The following GPR139 variants were observed in gnomAD, a reference collection of about 807,000 sequenced individuals.
GPR139 encodes probable G protein-coupled receptor 139.
Under a neutral mutation model 25.8 loss-of-function variants are expected in GPR139, and 12 were observed. The ratio of observed to expected loss-of-function variants is 0.47; its 90% CI spans 0.30 to 0.75. The LOEUF (loss-of-function observed/expected upper bound fraction) is 0.75. Ranked by LOEUF, GPR139 falls within the 30% of genes least tolerant of loss-of-function variation. The pLI is 0.07. For missense variants in GPR139, 380 were observed against 450.2 expected (o/e 0.84, Z 1.41); for synonymous variants, 184 against 179.9 (o/e 1.02, Z -0.18).
intron 1 of GPR139, among the ~76,000 whole-genome samples, chr16:20,069,916 G>A (rs368248553): frequency 3.2e-4 from 48 of 152,210 alleles, no homozygotes; most frequent in East Asian, 1.5e-3. Context: ...CTTATTTTGT[G>A]TGTCTCGAGA....
rs1386195649 is a variant in GPR139, at chr16:20,032,029, G to A, written c.768C>T (p.Pro256=). 2.5e-6 allele frequency: 4 copies of A among 1,614,208 alleles called. No homozygotes were observed. The South Asian group carries it at 4.4e-5, about 18-fold the overall frequency. Residue 256 remains proline, a synonymous_variant, in exon 2 of 2, where the codon CCC becomes CCT. Transcript: ENST00000570682. ...TGTGTACCAGCCAGCGGTTCTGGAT[G>A]GGCGCCCCATAGAGGTGGTAAAGAA... ...IMILYHLYGA[P]IQNRWLVHIM... is the part of the protein sequence containing the mutation.
chr16:20,067,498 A>C (rs558965347), intron 1 of GPR139, among the ~76,000 whole-genome samples: 1 of 152,332 alleles, frequency 6.6e-6, no homozygotes, highest in African/African-American at 2.4e-5. Context: ...GCACGCCATT[A>C]GAGACTATTC....
At chr16:20,037,344 C>T (rs34903805) in intron 1 of GPR139, among the ~76,000 whole-genome samples, 16,976 of 151,210 alleles carry the variant, frequency 0.11, 1,683 homozygotes, top group African/African-American at 0.26. Context: ...CGCAGCTACT[C>T]GGGAGGCTGA....
At chr16:20,041,057 C>G (rs1489151071) in intron 1 of GPR139, among the ~76,000 whole-genome samples, 1 of 148,104 alleles carries the variant, frequency 6.8e-6, no homozygotes, top group East Asian at 2.0e-4. Flanking sequence ...TTGCAGTGAG[C>G]TGAGCTGGTT....
intron 1 of GPR139, among the ~76,000 whole-genome samples, chr16:20,061,219 A>C (rs958464076): frequency 8.3e-6 from 1 of 120,218 alleles, no homozygotes; most frequent in Non-Finnish European, 1.9e-5. Context: ...GGATGGATGG[A>C]TGGATGTGTG....
At chr16:20,051,536 G>A (rs957518147) in intron 1 of GPR139, among the ~76,000 whole-genome samples, 6 of 152,186 alleles carry the variant, frequency 3.9e-5, no homozygotes, top group Admixed American at 1.3e-4. Flanking sequence ...AGAGGACAAC[G>A]TCTAATTACC....
At chr16:20,035,772 G>C (rs888927368) in intron 1 of GPR139, among the ~76,000 whole-genome samples, 3 of 152,180 alleles carry the variant, frequency 2.0e-5, no homozygotes, top group Admixed American at 2.0e-4. Flanking sequence ...AATGTTCTGA[G>C]GGGGAGAAGT....
In GPR139 at chr16:20,034,316, C is replaced by T. The variant is rs147299895; in HGVS notation, c.128-1647G>A. 2.1e-3 allele frequency among the ~76,000 whole-genome samples: 314 copies of T among 152,302 alleles called. 2 individuals are homozygous for T. Among genetic ancestry groups the T allele is most frequent in the African/African-American group, 7.3e-3 (302 of 41,570 alleles). On this transcript the variant is annotated intron_variant, in intron 1 of 1. Coordinates refer to ENST00000570682, the MANE Select transcript of GPR139 (RefSeq NM_001002911.4). ...AAAATTCTTATAATAAACACACCTGCAAAACCTGGTGTGCTCATCACTCAG... is the reference window on the plus strand; with the variant it reads ...AAAATTCTTATAATAAACACACCTGTAAAACCTGGTGTGCTCATCACTCAG...
At chr16:20,039,458 G>A (rs940088635) in intron 1 of GPR139, among the ~76,000 whole-genome samples, 1 of 152,110 alleles carries the variant, frequency 6.6e-6, no homozygotes, top group Non-Finnish European at 1.5e-5. Context: ...AATTACAAAA[G>A]TAATACACAC....
At chr16:20,045,124 C>T (rs1351267730) in intron 1 of GPR139, among the ~76,000 whole-genome samples, 4 of 151,816 alleles carry the variant, frequency 2.6e-5, no homozygotes, top group Middle Eastern at 3.4e-3. Flanking sequence ...CTCAGCCTCC[C>T]GAGATGCTGG....
intron 1 of GPR139, among the ~76,000 whole-genome samples, chr16:20,037,792 A>G (rs1728655248): frequency 6.6e-6 from 1 of 152,242 alleles, no homozygotes; most frequent in South Asian, 2.1e-4. Flanking sequence ...GGTTCTCAGC[A>G]TAAAGAATGC....
At chr16:20,045,478 G>A (rs1354267247) in intron 1 of GPR139, among the ~76,000 whole-genome samples, 1 of 152,194 alleles carries the variant, frequency 6.6e-6, no homozygotes, top group African/African-American at 2.4e-5. Flanking sequence ...TGCATTTGAT[G>A]CACTTACTTG....
chr16:20,058,098 T>C (rs1188016421), intron 1 of GPR139, among the ~76,000 whole-genome samples: 1 of 152,212 alleles, frequency 6.6e-6, no homozygotes, highest in Non-Finnish European at 1.5e-5. Flanking sequence ...ATTGGTTAAA[T>C]GCCTACTATG....
chr16:20,063,218 C>T (rs964108316), intron 1 of GPR139, among the ~76,000 whole-genome samples: 1 of 152,212 alleles, frequency 6.6e-6, no homozygotes, highest in Non-Finnish European at 1.5e-5. Flanking sequence ...GCCTCCCTTC[C>T]CTGTTGTAAA....
At chr16:20,032,790 G>A (rs1237273574) in intron 1 of GPR139, 121 bp from the exon 2 acceptor site, 2 of 656,068 alleles carry the variant, frequency 3.0e-6, no homozygotes, top group Non-Finnish European at 5.3e-6. Flanking sequence ...TTGAATCAAT[G>A]CTTTTGAGGG....
At chr16:20,069,122 C>T (rs563764082) in intron 1 of GPR139, among the ~76,000 whole-genome samples, 3 of 152,068 alleles carry the variant, frequency 2.0e-5, no homozygotes, top group African/African-American at 4.8e-5. Flanking sequence ...ATAAAGCTGG[C>T]GTCACAAAGT....
At chr16:20,036,236 G>A (rs113223846) in intron 1 of GPR139, among the ~76,000 whole-genome samples, 35 of 152,284 alleles carry the variant, frequency 2.3e-4, no homozygotes, top group African/African-American at 8.2e-4. Flanking sequence ...AACCCAAGCT[G>A]TAAAGAGGTT....
intron 1 of GPR139, among the ~76,000 whole-genome samples, chr16:20,047,407 T>C (rs2057358071): frequency 1.3e-5 from 2 of 152,160 alleles, no homozygotes; most frequent in South Asian, 4.1e-4. Flanking sequence ...TGCCCAGCCC[T>C]TAGGGATCAT....
intron 1 of GPR139, among the ~76,000 whole-genome samples, chr16:20,071,605 A>G (rs976232547): frequency 6.6e-6 from 1 of 152,184 alleles, no homozygotes; most frequent in Admixed American, 6.5e-5. Flanking sequence ...TAAGTTCCCA[A>G]ACTCTGGGCT....
Sources: allele counts gnomAD v4.1 joint callset (sites outside exome capture counted in the v4.1 genomes callset), GRCh38; gene constraint gnomAD v4.1.1; transcripts MANE v1.5; gene names NCBI Gene and HGNC (gene_info 2026-07-23, HGNC 2026-07-21).